ACSS2: variants seen among roughly 807,000 people sequenced by gnomAD.
ACSS2 encodes acetyl-coenzyme A synthetase, cytoplasmic.
ACSS2 carries 58 observed loss-of-function variants against 90.6 expected under a neutral mutation model. The observed-to-expected ratio is 0.64, with a 90% CI of 0.52 to 0.80. The LOEUF (loss-of-function observed/expected upper bound fraction) is 0.80, where lower values mean the gene tolerates loss of function less well. ACSS2 is among the 30% of genes least tolerant of loss of function. ACSS2 has a pLI of 0.00. For synonymous variants in ACSS2, 300 were observed against 330.9 expected (o/e 0.91, Z 1.01); for missense variants, 759 against 912.0 (o/e 0.83, Z 2.16).
At position 34,876,736 on chromosome 20, in the gene ACSS2, C is replaced by G; in HGVS notation, c.91C>G (p.Pro31Ala). 1 of 1,440,264 alleles carries G rather than the reference C, an allele frequency of 6.9e-7. No homozygotes were observed. Among genetic ancestry groups the G allele is most frequent in the African/African-American group, 1.5e-5 (1 of 67,386 alleles). 89.2% of individuals were successfully genotyped at this position (1,440,264 alleles called of 1,614,324 possible). A position where few individuals can be genotyped will look rare whatever the true frequency, so the allele number is the denominator to read the frequency against. The change falls in exon 1 of 18, where the codon CCG becomes GCG. Residue 31 changes from proline (P) to alanine (A), a missense_variant. Pro to Ala is a conservative substitution (Grantham distance 27). Transcript: ENST00000360596. ...GAGGRARSWS[P>A]PPEVSRSAHV... ...CGGAGGCCGGGCGCGGAGTTGGTCT[C>G]CGCCGCCCGAGGTCAGCCGCTCCGC...
chr20:34,891,269 C>G (rs938014942), intron 2 of ACSS2, among the ~76,000 whole-genome samples: 3 of 152,192 alleles, frequency 2.0e-5, no homozygotes, highest in African/African-American at 7.2e-5. Flanking sequence ...CTTCCTCTCT[C>G]TGGGCCTTCT....
chr20:34,920,784 G>T, intron 9 of ACSS2, 75 bp downstream of exon 9: 1 of 1,535,282 alleles, frequency 6.5e-7, no homozygotes. Flanking sequence ...AAGGCTGCTT[G>T]GTCTAGAGGG....
At chr20:34,912,562 C>G (rs1255901203) in intron 2 of ACSS2, 1 of 163,506 alleles carries the variant, frequency 6.1e-6, no homozygotes, top group African/African-American at 2.4e-5. Flanking sequence ...GGATTACAGG[C>G]GTGAGCCACC....
In ACSS2 at chr20:34,914,986, C is replaced by A. The variant is rs200371051; in HGVS notation, c.834+549C>A. Reference sequence around the variant, plus strand: ...GAGTAAGAGTCTGTGACTTGAGGCTCCCTGAGGGGTCTTAGGGCTAGAGAG... The same window carrying A: ...GAGTAAGAGTCTGTGACTTGAGGCTACCTGAGGGGTCTTAGGGCTAGAGAG... On this transcript the variant is annotated intron_variant, in intron 7 of 17. Coordinates refer to ENST00000360596, the MANE Select transcript of ACSS2 (RefSeq NM_018677.4). Among the ~76,000 whole-genome samples, 5 of 152,084 alleles carry A rather than the reference C, an allele frequency of 3.3e-5. No homozygotes were observed. In the East Asian group the frequency reaches 5.8e-4, roughly 18 times the overall value.
chr20:34,906,729 T>A (rs1407805412), intron 2 of ACSS2, among the ~76,000 whole-genome samples: 1 of 152,080 alleles, frequency 6.6e-6, no homozygotes, highest in Admixed American at 6.5e-5. Context: ...ACGCCTGTAA[T>A]CCCAGCACTT....
At chr20:34,894,649 C>T (rs1216429350) in intron 2 of ACSS2, among the ~76,000 whole-genome samples, 1 of 151,852 alleles carries the variant, frequency 6.6e-6, no homozygotes, top group African/African-American at 2.4e-5. Flanking sequence ...TGGGTGAGAC[C>T]CTGTCTCAAA....
intron 2 of ACSS2, chr20:34,908,901 A>T: frequency 2.3e-6 from 1 of 438,660 alleles, no homozygotes; most frequent in South Asian, 1.7e-5. Context: ...TCTTGAACCA[A>T]CAGGTCCACT....
At chr20:34,880,589 G>A (rs1313250489) in intron 1 of ACSS2, among the ~76,000 whole-genome samples, 4 of 151,762 alleles carry the variant, frequency 2.6e-5, no homozygotes, top group African/African-American at 9.7e-5. Flanking sequence ...AAGTTTTATG[G>A]CTCTTGTCAT....
At chr20:34,905,172 C>A (rs148198011) in intron 2 of ACSS2, among the ~76,000 whole-genome samples, 1 of 152,102 alleles carries the variant, frequency 6.6e-6, no homozygotes, top group African/African-American at 2.4e-5. Flanking sequence ...CCTGCTTTGC[C>A]CTCCCAGAGT....
At chr20:34,919,340 T>A in intron 7 of ACSS2, 95 bp from the exon 8 acceptor site, 1 of 1,560,514 alleles carries the variant, frequency 6.4e-7, no homozygotes, top group Non-Finnish European at 8.7e-7. Context: ...TACTCCTACC[T>A]GCCTGTCCCA....
intron 2 of ACSS2, among the ~76,000 whole-genome samples, chr20:34,900,354 T>C (rs1462451617): frequency 7.3e-6 from 1 of 137,634 alleles, no homozygotes; most frequent in Non-Finnish European, 1.6e-5. Context: ...TTTTTTTTTT[T>C]AGTAGAGATG....
At chr20:34,903,430 C>T (rs2080719513) in intron 2 of ACSS2, among the ~76,000 whole-genome samples, 1 of 151,546 alleles carries the variant, frequency 6.6e-6, no homozygotes, top group Admixed American at 6.6e-5. Context: ...GTTAGGTGGG[C>T]ATTGTGGTCA....
chr20:34,886,508 C>T (rs2080195617), intron 2 of ACSS2, among the ~76,000 whole-genome samples: 1 of 152,090 alleles, frequency 6.6e-6, no homozygotes, highest in African/African-American at 2.4e-5. Context: ...CCTGCAGTCC[C>T]AGCTACTTGG....
At chr20:34,912,952 C>T in intron 2 of ACSS2, 144 bp from the exon 3 acceptor site, 2 of 713,520 alleles carry the variant, frequency 2.8e-6, no homozygotes, top group Non-Finnish European at 5.1e-6. Flanking sequence ...TTGGTGATGG[C>T]AAGATTGATG....
chr20:34,884,278 C>T (rs1024018417), intron 2 of ACSS2, among the ~76,000 whole-genome samples: 1 of 152,050 alleles, frequency 6.6e-6, no homozygotes, highest in African/African-American at 2.4e-5. Flanking sequence ...TTAAGCTAGC[C>T]AATAGGAGCA....
chr20:34,906,056 C>T lies in ACSS2; in HGVS notation c.375-7040C>T, dbSNP rs530946153. On this transcript the variant is annotated intron_variant, in intron 2 of 17. Transcript: ENST00000360596. The stretch of plus-strand genomic sequence containing the variant: ...TCTTTTAAGAGTTCTGATATCCTGG[C>T]CGGGCGCGGTGGCTCACACCTGTAA... Among the ~76,000 whole-genome samples, 203 of 152,286 alleles carry T rather than the reference C, an allele frequency of 1.3e-3. 3 individuals are homozygous for T. Among genetic ancestry groups the T allele is most frequent in the African/African-American group, 4.7e-3 (196 of 41,574 alleles).
upstream of ACSS2, chr20:34,875,276 A>G: frequency 2.1e-6 from 1 of 466,750 alleles, no homozygotes; most frequent in Non-Finnish European, 4.4e-6. Flanking sequence ...TGAAGGAAAG[A>G]AGAGAATGTG....
At chr20:34,877,529 G>C (rs1298666698) in intron 1 of ACSS2, among the ~76,000 whole-genome samples, 2 of 151,966 alleles carry the variant, frequency 1.3e-5, no homozygotes, top group Admixed American at 1.3e-4. Flanking sequence ...AATGTATGAG[G>C]AAAATCGGCC....
chr20:34,925,252 T>C (rs2081291410), intron 14 of ACSS2, among the ~76,000 whole-genome samples: 1 of 152,178 alleles, frequency 6.6e-6, no homozygotes, highest in Non-Finnish European at 1.5e-5. Context: ...CCTGTAGTCA[T>C]CTGAAGGTTT....
Sources: allele counts gnomAD v4.1 joint callset (sites outside exome capture counted in the v4.1 genomes callset), GRCh38; gene constraint gnomAD v4.1.1; transcripts MANE v1.5; gene names NCBI Gene and HGNC (gene_info 2026-07-23, HGNC 2026-07-21).